Variants in BUB1B observed in about 807,000 individuals in gnomAD.
BUB1B encodes mitotic checkpoint serine/threonine-protein kinase BUB1 beta.
Under a neutral mutation model 137.7 loss-of-function variants are expected in BUB1B, and 86 were observed. The observed-to-expected ratio is 0.62, with a 90% CI of 0.52 to 0.75. BUB1B has a LOEUF of 0.75. BUB1B is among the 30% of genes least tolerant of loss of function. BUB1B has a pLI of 0.00. For missense variants in BUB1B, 1,130 were observed against 1,236.9 expected (o/e 0.91, Z 1.30); for synonymous variants, 420 against 417.9 (o/e 1.00, Z -0.06).
intron 2 of BUB1B, 50 bp downstream of exon 2, chr15:40,165,246 G>C: frequency 6.2e-7 from 1 of 1,612,350 alleles, no homozygotes; most frequent in Non-Finnish European, 8.5e-7. Context: ...CCTAAATGTT[G>C]TAGATAACGT....
chr15:40,191,777 A>G (rs2037441441), intron 8 of BUB1B, among the ~76,000 whole-genome samples: 3 of 152,254 alleles, frequency 2.0e-5, no homozygotes, highest in South Asian at 2.1e-4. Flanking sequence ...ATATCAGTTG[A>G]CCAAAATGTA....
chr15:40,200,324 A>G lies in BUB1B; in HGVS notation c.1482A>G (p.Leu494=), dbSNP rs370274769. ...SESQKIPGMT[L]SSSVCQVNCC... Reference sequence around the variant, plus strand: ...CTCAGAAAATACCAGGAATGACTCTATCCAGTTCTGTTTGTCAAGTAAACT... The same window carrying G: ...CTCAGAAAATACCAGGAATGACTCTGTCCAGTTCTGTTTGTCAAGTAAACT... Residue 494 remains leucine (L), a synonymous_variant, in exon 11 of 23, where the codon CTA becomes CTG. Coordinates refer to ENST00000287598, the MANE Select transcript of BUB1B (RefSeq NM_001211.6). 5.0e-6 allele frequency: 8 copies of G among 1,613,830 alleles called. No homozygotes were observed. Among genetic ancestry groups the G allele is most frequent in the South Asian group, 4.4e-5 (4 of 91,074 alleles).
Position 40,165,120 on chromosome 15 carries a change from G to C in BUB1B, c.103G>C (p.Gly35Arg), listed in dbSNP as rs2037080369. ...AGAAAATGTACAACCTTTAAGGCAA[G>C]GGCGGATCATGTCCACGCTTCAGGG... The part of the protein sequence containing the change: ...SKENVQPLRQ[G>R]RIMSTLQGAL... Residue 35 changes from glycine (G) to arginine (R), a missense_variant, in exon 2 of 23, where the codon GGG becomes CGG. Transcript: ENST00000287598. The C allele has an allele frequency of 1.2e-6, 2 of 1,614,050 alleles. No individual in the cohort carries two copies. Among genetic ancestry groups the C allele is most frequent in the African/African-American group, 2.7e-5 (2 of 74,914 alleles).
intron 14 of BUB1B, among the ~76,000 whole-genome samples, 164 bp from the exon 15 acceptor site, chr15:40,206,020 A>G (rs2037632016): frequency 1.3e-5 from 2 of 152,224 alleles, no homozygotes; most frequent in Non-Finnish European, 2.9e-5. Context: ...TGGATGAAGT[A>G]TAGTTTACTG....
intron 9 of BUB1B, among the ~76,000 whole-genome samples, chr15:40,198,938 C>T (rs550417825): frequency 2.3e-4 from 35 of 152,220 alleles, no homozygotes; most frequent in African/African-American, 7.9e-4. Flanking sequence ...ACAAACAAAA[C>T]TCCATGTGGC....
intron 5 of BUB1B, among the ~76,000 whole-genome samples, chr15:40,180,082 G>T (rs907703584): frequency 1.3e-5 from 2 of 150,218 alleles, no homozygotes; most frequent in Non-Finnish European, 3.0e-5. Flanking sequence ...TTCCCTTCTA[G>T]TATCATTTCC....
At chr15:40,213,570 C>G in intron 20 of BUB1B, 96 bp downstream of exon 20, 7 of 1,358,178 alleles carry the variant, frequency 5.2e-6, no homozygotes, top group Non-Finnish European at 7.3e-6. Context: ...GGGTCTCACT[C>G]TGTCACCTAG....
chr15:40,206,406 C>G lies in BUB1B; in HGVS notation c.1957C>G (p.Gln653Glu). 1 of 1,614,202 alleles carries G rather than the reference C, an allele frequency of 6.2e-7. No homozygotes were observed. The highest frequency in any genetic ancestry group is 1.3e-5 in the African/African-American group (1 of 75,058). ...AGATGTAAAGACCTCTGAGGACCAG[C>G]AGACAGCTTGTGGCACTATCTACAG... is the stretch of plus-strand genomic sequence containing the variant. Reference protein sequence around the residue: ...DLDVKTSEDQQTACGTIYSQT... With the variant: ...DLDVKTSEDQETACGTIYSQT... Residue 653 changes from glutamine to glutamate, a missense_variant, in exon 15 of 23, where the codon CAG becomes GAG. Coordinates refer to ENST00000287598, the MANE Select transcript of BUB1B (RefSeq NM_001211.6).
chr15:40,203,864 C>T (rs577612030), intron 14 of BUB1B, among the ~76,000 whole-genome samples: 45 of 152,304 alleles, frequency 3.0e-4, no homozygotes, highest in Non-Finnish European at 5.7e-4. Context: ...GGAAGCTTGT[C>T]ATGAGACTGA....
At chr15:40,174,016 C>CA (rs979967281) in intron 4 of BUB1B, 66 of 398,710 alleles carry the variant, frequency 1.7e-4, no homozygotes, top group Admixed American at 8.3e-4. Flanking sequence ...TAAGGGTTAC[C>CA]AAAAAAAAGG....
At chr15:40,190,265 T>C (rs1184421219) in intron 8 of BUB1B, among the ~76,000 whole-genome samples, 4 of 152,264 alleles carry the variant, frequency 2.6e-5, no homozygotes, top group Non-Finnish European at 5.9e-5. Context: ...GTAAATCTTA[T>C]CAACTTCAGC....
intron 16 of BUB1B, among the ~76,000 whole-genome samples, chr15:40,209,205 G>C (rs934354107): frequency 1.3e-5 from 2 of 152,124 alleles, no homozygotes; most frequent in African/African-American, 4.8e-5. Flanking sequence ...GGATCACGAG[G>C]GTCAGGAGAT....
At chr15:40,179,857 C>A (rs2037263020) in intron 5 of BUB1B, among the ~76,000 whole-genome samples, 1 of 151,742 alleles carries the variant, frequency 6.6e-6, no homozygotes, top group Non-Finnish European at 1.5e-5. Flanking sequence ...AGCTTTATAA[C>A]CATAAAAGTT....
rs145467632 is a variant in BUB1B at position 40,166,864 on chromosome 15, C to T, written c.179+1668C>T. 3.9e-4 allele frequency among the ~76,000 whole-genome samples: 59 copies of T among 152,212 alleles called. No homozygotes were observed. In the East Asian group the frequency reaches 5.4e-3, roughly 14 times the overall value. ...TGTGGAGTTGTGTCTCATTACTTTGCATTTCCCTGGTGACTAATAATGGTG... is the reference window on the plus strand; with the variant it reads ...TGTGGAGTTGTGTCTCATTACTTTGTATTTCCCTGGTGACTAATAATGGTG... On this transcript the variant is annotated intron_variant, in intron 2 of 22. Transcript: ENST00000287598.
Position 40,209,629 on chromosome 15 carries a change from T to G in BUB1B, c.2144-6T>G. ...ATATATTTTCACCTTTCCCTCCCAC[T>G]GGCAGAAAACCCTACTCAGTCACCA... On this transcript the variant is annotated splice_polypyrimidine_tract_variant and splice_region_variant and intron_variant, in intron 16 of 22. Transcript: ENST00000287598. 2.5e-6 allele frequency: 4 copies of G among 1,614,130 alleles called. No homozygotes were observed. The highest frequency in any genetic ancestry group is 3.4e-6 in the Non-Finnish European group (4 of 1,180,004).
At chr15:40,162,158 G>A (rs1197793276) in intron 1 of BUB1B, among the ~76,000 whole-genome samples, 1 of 152,220 alleles carries the variant, frequency 6.6e-6, no homozygotes, top group African/African-American at 2.4e-5. Context: ...TGTCACTTTG[G>A]TCAAGACTTG....
chr15:40,192,094 T>C (rs964396798), intron 8 of BUB1B, among the ~76,000 whole-genome samples: 2 of 152,248 alleles, frequency 1.3e-5, no homozygotes, highest in African/African-American at 2.4e-5. Context: ...ATTGACATCT[T>C]AAAAATATTA....
chr15:40,218,203 T>A (rs2037827292), intron 21 of BUB1B, among the ~76,000 whole-genome samples: 2 of 152,220 alleles, frequency 1.3e-5, no homozygotes, highest in Admixed American at 1.3e-4. Context: ...ACTCAGTAGG[T>A]CTACAAATTT....
Position 40,217,547 on chromosome 15 carries a change from G to A in BUB1B, c.2730G>A (p.Val910=), listed in dbSNP as rs2140911396. The change falls in exon 21 of 23, where the codon GTG becomes GTA. Residue 910 remains valine, a synonymous_variant. Transcript: ENST00000287598. The part of the protein sequence containing the change: ...CNKNNQALKI[V]DFSYSVDLRV... ...AGAACAATCAAGCTTTGAAGATAGT[G>A]GACTTTTCCTACAGTGTTGACCTTA... The A allele has an allele frequency of 6.2e-7, 1 of 1,614,060 alleles. No homozygotes were observed. The highest frequency in any genetic ancestry group is 8.5e-7 in the Non-Finnish European group (1 of 1,180,028).
Sources: gnomAD v4.1 joint callset for allele counts (sites outside exome capture counted in the v4.1 genomes callset) on GRCh38, gnomAD v4.1.1 for gene constraint, MANE v1.5 for transcripts, NCBI Gene and HGNC (gene_info 2026-07-23, HGNC 2026-07-21) for gene names.